Variants in NTMT2 observed in about 807,000 individuals in gnomAD.
The protein encoded by NTMT2 is X-Pro-Lys N-terminal protein methyltransferase 1B.
A neutral mutation model predicts 23.4 loss-of-function variants in NTMT2; 21 were observed. The observed-to-expected ratio is 0.90, with a 90% CI of 0.64 to 1.29. The LOEUF is 1.29. Ranked by LOEUF, NTMT2 falls within the 50% of genes most tolerant of loss-of-function variation. The probability of loss-of-function intolerance (pLI) is 0.00; values close to 1 mark genes in which losing one functional copy is unlikely to be tolerated. For synonymous variants in NTMT2, 131 were observed against 127.7 expected (o/e 1.03, Z -0.17); for missense variants, 336 against 352.0 (o/e 0.95, Z 0.36).
intron 1 of NTMT2, among the ~76,000 whole-genome samples, chr1:170,154,301 G>A (rs1391719172): frequency 6.6e-6 from 1 of 152,156 alleles, no homozygotes; most frequent in Non-Finnish European, 1.5e-5. Context: ...GAGAAATGTG[G>A]GGTGAAGTCC....
chr1:170,153,003 A>G (rs1673100197), intron 1 of NTMT2, among the ~76,000 whole-genome samples: 1 of 152,124 alleles, frequency 6.6e-6, no homozygotes, highest in South Asian at 2.1e-4. Context: ...AGTTCTCATG[A>G]GAGCTGGTTG....
intron 1 of NTMT2, among the ~76,000 whole-genome samples, chr1:170,152,710 C>A (rs1390688089): frequency 2.0e-5 from 3 of 151,360 alleles, no homozygotes; most frequent in African/African-American, 4.9e-5. Context: ...CTGATAAATC[C>A]CCCCCCCACC....
chr1:170,149,557 A>G (rs1673027516), intron 1 of NTMT2, among the ~76,000 whole-genome samples: 2 of 152,198 alleles, frequency 1.3e-5, no homozygotes, highest in East Asian at 3.8e-4. Flanking sequence ...CCCGGCACAT[A>G]GGAAAAACAC....
intron 1 of NTMT2, among the ~76,000 whole-genome samples, chr1:170,149,924 T>C (rs1036551617): frequency 1.3e-5 from 2 of 152,218 alleles, no homozygotes; most frequent in African/African-American, 2.4e-5. Context: ...TAATTATGTT[T>C]TTCAGTTTGG....
chr1:170,151,949 G>A (rs1380740454), intron 1 of NTMT2, among the ~76,000 whole-genome samples: 1 of 152,078 alleles, frequency 6.6e-6, no homozygotes, highest in East Asian at 1.9e-4. Flanking sequence ...TTAATTATTT[G>A]AGTATGCCTA....
At position 170,166,493 on chromosome 1, in the gene NTMT2, T is replaced by A; in HGVS notation, c.331-9T>A. 6.4e-7 allele frequency: 1 copy of A among 1,552,200 alleles called. No homozygotes were observed. Among genetic ancestry groups the A allele is most frequent in the Non-Finnish European group, 8.7e-7 (1 of 1,147,106 alleles). On this transcript the variant is annotated splice_polypyrimidine_tract_variant and intron_variant, in intron 2 of 3. Coordinates refer to ENST00000439373, the MANE Select transcript of NTMT2 (RefSeq NM_001136107.2). ...TCTGTACTTGAAATATCAAGGTGCC[T>A]TTCTGCAGGGGCCTGGGAGAGCTGG...
Position 170,166,537 on chromosome 1 carries a change from C to G in NTMT2, c.366C>G (p.Asp122Glu). The change falls in exon 3 of 4, where the codon GAC becomes GAG. Residue 122 changes from aspartate (D) to glutamate (E), a missense_variant. Asp to Glu is a conservative substitution (Grantham distance 45, BLOSUM62 2). Coordinates refer to ENST00000439373, the MANE Select transcript of NTMT2 (RefSeq NM_001136107.2). ...GAGCTGGAACAGACTGCGCCTTGGACTGCGGCTCCGGGATAGGAAGGGTCA... is the reference window on the plus strand; with the variant it reads ...GAGCTGGAACAGACTGCGCCTTGGAGTGCGGCTCCGGGATAGGAAGGGTCA... ...PGRAGTDCAL[D>E]CGSGIGRVSK... The G allele has an allele frequency of 6.4e-7, 1 of 1,552,302 alleles. No individual in the cohort carries two copies. The highest frequency in any genetic ancestry group is 1.4e-5 in the African/African-American group (1 of 73,110).
rs180796473 is a variant in NTMT2, at chr1:170,164,519, A to T, written c.331-1983A>T. Among the ~76,000 whole-genome samples the T allele has an allele frequency of 1.6e-3, 251 of 152,310 alleles. 1 individual carries two copies. Among genetic ancestry groups the T allele is most frequent in the African/African-American group, 5.9e-3 (245 of 41,562 alleles). ...CCTAGGCCTTTTTCTGAATTAGTTTAGTCTAAATTATATTTGAATGTGACA... is the reference window on the plus strand; with the variant it reads ...CCTAGGCCTTTTTCTGAATTAGTTTTGTCTAAATTATATTTGAATGTGACA... On this transcript the variant is annotated intron_variant, in intron 2 of 3. Transcript: ENST00000439373.
chr1:170,147,265 T>C (rs915786469), intron 1 of NTMT2, among the ~76,000 whole-genome samples: 1 of 152,216 alleles, frequency 6.6e-6, no homozygotes, highest in Non-Finnish European at 1.5e-5. Flanking sequence ...ATAACTTCTT[T>C]CTAAAACTTT....
chr1:170,160,597 A>T lies in NTMT2; in HGVS notation c.234A>T (p.Glu78Asp), dbSNP rs1285583283. 2 of 1,551,630 alleles carry T rather than the reference A, an allele frequency of 1.3e-6. No individual in the cohort carries two copies. The highest frequency in any genetic ancestry group is 3.9e-5 in the Admixed American group (2 of 50,968). The change falls in exon 2 of 4, where the codon GAA (glutamate) becomes GAT (aspartate). Residue 78 changes from glutamate (E) to aspartate (D), a missense_variant. Glu to Asp is a conservative substitution (Grantham distance 45, BLOSUM62 2). Coordinates refer to ENST00000439373, the MANE Select transcript of NTMT2 (RefSeq NM_001136107.2). ...FYARAKLFYQ[E>D]VPATEEGMMG... ...CCAGAGCTAAACTTTTCTACCAAGA[A>T]GTACCAGCCACAGAAGAGGGTATGA...
intron 1 of NTMT2, among the ~76,000 whole-genome samples, chr1:170,151,866 TAGTC>T (rs1432065462): frequency 1.3e-5 from 2 of 152,166 alleles, no homozygotes; most frequent in East Asian, 1.9e-4. Context: ...TTATCTCACA[TAGTC>T]AGTTCGATAT....
rs928912269 is a variant in NTMT2, at chr1:170,157,374, T to C, written c.155-3144T>C. On this transcript the variant is annotated intron_variant, in intron 1 of 3. Transcript: ENST00000439373. ...ATCTATGTATAATAGTTAACATGTA[T>C]GGAGGATATAAATAATATTGGTGGC... Among the ~76,000 whole-genome samples, 5 of 152,300 alleles carry C rather than the reference T, an allele frequency of 3.3e-5. No individual in the cohort carries two copies. In the South Asian group the frequency reaches 8.3e-4, roughly 25 times the overall value.
intron 1 of NTMT2, among the ~76,000 whole-genome samples, chr1:170,149,755 T>A (rs375768084): frequency 3.9e-5 from 6 of 152,202 alleles, no homozygotes; most frequent in African/African-American, 9.6e-5. Flanking sequence ...TGTTGGTATA[T>A]ATGTGAAATA....
At chr1:170,149,581 T>G (rs1342255315) in intron 1 of NTMT2, among the ~76,000 whole-genome samples, 1 of 152,206 alleles carries the variant, frequency 6.6e-6, no homozygotes, top group Non-Finnish European at 1.5e-5. Flanking sequence ...AAATATTTGT[T>G]AAATGAATTA....
intron 1 of NTMT2, among the ~76,000 whole-genome samples, chr1:170,155,596 T>C (rs954292356): frequency 2.6e-5 from 4 of 152,104 alleles, no homozygotes; most frequent in Non-Finnish European, 4.4e-5. Context: ...AAAATTACTG[T>C]CTAAACCTAG....
chr1:170,166,377 G>T (rs1034901802), intron 2 of NTMT2, 125 bp from the exon 3 acceptor site: 7 of 935,392 alleles, frequency 7.5e-6, no homozygotes, highest in Non-Finnish European at 1.1e-5. Context: ...TCTTGACCTC[G>T]TGATCCGCCC....
rs536214759 is a variant in NTMT2, at chr1:170,166,856, C to G, written c.580+105C>G. On this transcript the variant is annotated intron_variant, in intron 3 of 3. Coordinates refer to ENST00000439373, the MANE Select transcript of NTMT2 (RefSeq NM_001136107.2). ...CAGGGAAGAGTTAGCTGTAGTACTT[C>G]AAGCAGTTAGCTAGCCTTAGGTGTC... 1.4e-4 allele frequency: 168 copies of G among 1,233,262 alleles called. 1 individual carries two copies. In the Middle Eastern group the frequency reaches 2.8e-3, roughly 21 times the overall value. 76.4% of individuals were successfully genotyped at this position (1,233,262 alleles called of 1,614,324 possible).
intron 1 of NTMT2, among the ~76,000 whole-genome samples, chr1:170,154,876 T>A (rs572956767): frequency 6.6e-6 from 1 of 152,256 alleles, no homozygotes; most frequent in Non-Finnish European, 1.5e-5. Context: ...TGTTAAAATA[T>A]AATCCCCAAT....
At chr1:170,164,068 G>A (rs1233926215) in intron 2 of NTMT2, among the ~76,000 whole-genome samples, 5 of 148,266 alleles carry the variant, frequency 3.4e-5, no homozygotes, top group African/African-American at 1.2e-4. Flanking sequence ...GTTGCAGTGA[G>A]CTGAGATCGT....
Sources: gnomAD v4.1 joint callset for allele counts (sites outside exome capture counted in the v4.1 genomes callset) on GRCh38, gnomAD v4.1.1 for gene constraint, MANE v1.5 for transcripts, NCBI Gene and HGNC (gene_info 2026-07-23, HGNC 2026-07-21) for gene names.